RELT: variants seen among roughly 807,000 people sequenced by gnomAD.
RELT encodes tumor necrosis factor receptor superfamily member 19L.
Under a neutral mutation model 51.1 loss-of-function variants are expected in RELT, and 37 were observed. That is an observed-to-expected ratio of 0.72 (90% CI 0.56 to 0.95). The LOEUF (loss-of-function observed/expected upper bound fraction) is 0.95, where lower values mean the gene tolerates loss of function less well. Ranked by LOEUF, RELT falls within the 40% of genes least tolerant of loss-of-function variation. RELT has a pLI of 0.00. For synonymous variants in RELT, 241 were observed against 235.7 expected (o/e 1.02, Z -0.21); for missense variants, 535 against 572.6 (o/e 0.93, Z 0.67).
chr11:73,378,353 GGGACA>G (rs1021929924), intron 1 of RELT, among the ~76,000 whole-genome samples: 5 of 152,164 alleles, frequency 3.3e-5, no homozygotes, highest in African/African-American at 1.2e-4. Context: ...GACAGGGTGG[GGGACA>G]GTGTCAGGCA....
intron 1 of RELT, among the ~76,000 whole-genome samples, chr11:73,382,375 G>A (rs572611793): frequency 2.0e-5 from 3 of 152,240 alleles, no homozygotes; most frequent in South Asian, 4.1e-4. Context: ...AGCACATTAG[G>A]GACTTGGGAT....
chr11:73,395,070 C>G lies in RELT; in HGVS notation c.1047-17C>G. On this transcript the variant is annotated splice_polypyrimidine_tract_variant and intron_variant, in intron 9 of 10. Transcript: ENST00000064780. ...GGATCCCCGCTAACGGGGATGATTG[C>G]CCCACTCTCCTCACAGGTTCCGCGT... The G allele has an allele frequency of 1.2e-6, 2 of 1,603,830 alleles. No individual in the cohort carries two copies. The highest frequency in any genetic ancestry group is 1.7e-6 in the Non-Finnish European group (2 of 1,172,128).
At chr11:73,379,644 TC>T (rs997288670) in intron 1 of RELT, among the ~76,000 whole-genome samples, 2 of 152,184 alleles carry the variant, frequency 1.3e-5, no homozygotes, top group Non-Finnish European at 2.9e-5. Flanking sequence ...GTCCACACTT[TC>T]CCTGGCGGCT....
At chr11:73,383,785 C>A (rs1866083391) in intron 1 of RELT, among the ~76,000 whole-genome samples, 2 of 152,210 alleles carry the variant, frequency 1.3e-5, no homozygotes, top group Non-Finnish European at 2.9e-5. Flanking sequence ...AGGATGAGGG[C>A]CCGGCCTGCA....
Position 73,395,822 on chromosome 11 carries a change from AG to A in RELT, c.*335del. The A allele has an allele frequency of 2.2e-6, 1 of 453,714 alleles. No homozygotes were observed. The highest frequency in any genetic ancestry group is 2.6e-5 in the South Asian group (1 of 37,830). 28.1% of individuals were successfully genotyped at this position (453,714 alleles called of 1,614,324 possible). ...TATCATCAGAGGCTGGGCTTGGCAGAGGGGAGGGGCCTGTGCCCGTCACCCC... is the reference window on the plus strand; with the variant it reads ...TATCATCAGAGGCTGGGCTTGGCAGAGGGAGGGGCCTGTGCCCGTCACCCC... On this transcript the variant is annotated 3_prime_UTR_variant, in exon 11 of 11. Transcript: ENST00000064780.
In RELT at chr11:73,394,321, A is replaced by G; in HGVS notation, c.788+4A>G. ...CGAGCCACAGGCCTGTGTCCAAGTG[A>G]GTGGGCTGGTGGGAGATAACGGGGC... On this transcript the variant is annotated splice_donor_region_variant and intron_variant, in intron 8 of 10. Coordinates refer to ENST00000064780, the MANE Select transcript of RELT (RefSeq NM_152222.2). This position sits in a 1 kb window ranked among gnomAD's most constrained non-coding sequence, Gnocchi z 4.9. 1 of 1,613,054 alleles carries G rather than the reference A, an allele frequency of 6.2e-7. No homozygotes were observed. The highest frequency in any genetic ancestry group is 1.1e-5 in the South Asian group (1 of 91,024).
chr11:73,394,938 C>CT lies in RELT; in HGVS notation c.1047-148dup. On this transcript the variant is annotated intron_variant, in intron 9 of 10. Transcript: ENST00000064780. The surrounding 1 kb of genome is among the most constrained non-coding windows in gnomAD (Gnocchi z 4.9). ...TGTCTCACATGGAGCCCTTGCATCC[C>CT]TAGGGCAGCATCTTGGCCCCCATGG... 1.1e-6 allele frequency: 1 copy of CT among 904,836 alleles called. No homozygotes were observed. Among genetic ancestry groups the CT allele is most frequent in the South Asian group, 1.6e-5 (1 of 62,622 alleles). 56.1% of individuals were successfully genotyped at this position (904,836 alleles called of 1,614,324 possible). A position where few individuals can be genotyped will look rare whatever the true frequency, so the allele number is the denominator to read the frequency against.
chr11:73,385,127 C>G (rs1163447984), intron 1 of RELT, among the ~76,000 whole-genome samples: 1 of 152,034 alleles, frequency 6.6e-6, no homozygotes, highest in Non-Finnish European at 1.5e-5. Flanking sequence ...CGGGACTGAC[C>G]TGGAGGCCAG....
chr11:73,390,316 C>T lies in RELT; in HGVS notation c.46-235C>T, dbSNP rs893428932. Among the ~76,000 whole-genome samples, 4 of 152,178 alleles carry T rather than the reference C, an allele frequency of 2.6e-5. No individual in the cohort carries two copies. In the South Asian group the frequency reaches 8.3e-4, roughly 32 times the overall value. ...TTATCTGGGGCTTTCCAGCACTTTC[C>T]AGAGCCAGATGTGGCTCTCTCCTTG... is the stretch of plus-strand genomic sequence containing the variant. On this transcript the variant is annotated intron_variant, in intron 2 of 10. Coordinates refer to ENST00000064780, the MANE Select transcript of RELT (RefSeq NM_152222.2).
rs542531850 is a variant in RELT, at chr11:73,392,015, G to C, written c.368-196G>C. ...GGCCGTCCTGAGGAGGCCTTGTTCAGGACAATGCTTCGATGGCCAGAAGGG... is the reference window on the plus strand; with the variant it reads ...GGCCGTCCTGAGGAGGCCTTGTTCACGACAATGCTTCGATGGCCAGAAGGG... On this transcript the variant is annotated intron_variant, in intron 5 of 10. Transcript: ENST00000064780. The C allele has an allele frequency of 1.0e-5, 7 of 669,558 alleles. No homozygotes were observed. The African/African-American group carries it at 1.3e-4, about 12-fold the overall frequency. 41.5% of individuals were successfully genotyped at this position (669,558 alleles called of 1,614,324 possible).
At chr11:73,377,497 C>T (rs535285516) in intron 1 of RELT, among the ~76,000 whole-genome samples, 1 of 152,078 alleles carries the variant, frequency 6.6e-6, no homozygotes, top group South Asian at 2.1e-4. Flanking sequence ...GGGAGAAAGC[C>T]GAGGCTGGGC....
rs1866167640 is a variant in RELT at position 73,388,978 on chromosome 11, C to T, written c.-25-134C>T. The T allele has an allele frequency of 1.6e-6, 1 of 633,130 alleles. No individual in the cohort carries two copies. Among genetic ancestry groups the T allele is most frequent in the South Asian group, 1.8e-5 (1 of 56,248 alleles). 39.2% of individuals were successfully genotyped at this position (633,130 alleles called of 1,614,324 possible). On this transcript the variant is annotated intron_variant, in intron 1 of 10. Coordinates refer to ENST00000064780, the MANE Select transcript of RELT (RefSeq NM_152222.2). This position sits in a 1 kb window ranked among gnomAD's most constrained non-coding sequence, Gnocchi z 4.1. ...GTGCTTGCGGGTGTGGAGCCGGCCT[C>T]CCCGGGCTCTGCCTGCCCAGCAGCA...
intron 6 of RELT, 76 bp downstream of exon 6, chr11:73,392,544 C>G (rs968267052): frequency 6.5e-7 from 1 of 1,531,354 alleles, no homozygotes; most frequent in Non-Finnish European, 8.8e-7. Context: ...GGGCTGCCAG[C>G]GGAATCCTGC....
intron 1 of RELT, among the ~76,000 whole-genome samples, chr11:73,385,360 A>C (rs1866107630): frequency 1.3e-5 from 2 of 152,148 alleles, no homozygotes; most frequent in African/African-American, 2.4e-5. Flanking sequence ...CTGGGGCTCC[A>C]CCATCTGTGG....
rs1012839930 is a variant in RELT at position 73,391,893 on chromosome 11, G to C, written c.368-318G>C. On this transcript the variant is annotated intron_variant, in intron 5 of 10. Coordinates refer to ENST00000064780, the MANE Select transcript of RELT (RefSeq NM_152222.2). The stretch of plus-strand genomic sequence containing the variant: ...ACTAGATTCATGGCCAGGCCACAGG[G>C]AGGCAGATCCCACGTCCCTGTGCCC... 3 of 482,090 alleles carry C rather than the reference G, an allele frequency of 6.2e-6. No homozygotes were observed. The South Asian group carries it at 7.3e-5, about 12-fold the overall frequency. The allele number at this position is 482,090 out of a possible 1,614,324, so 29.9% of individuals were successfully genotyped here.
Position 73,389,118 on chromosome 11 carries a change from G to C in RELT, c.-19G>C, listed in dbSNP as rs1866170274. Reference sequence around the variant, plus strand: ...TCCTCTCCATCTGCCCTAGGCCGGCGACCACCAGGGGCCTGAGGATGAAGC... The same window carrying C: ...TCCTCTCCATCTGCCCTAGGCCGGCCACCACCAGGGGCCTGAGGATGAAGC... On this transcript the variant is annotated 5_prime_UTR_variant, in exon 2 of 11. Coordinates refer to ENST00000064780, the MANE Select transcript of RELT (RefSeq NM_152222.2). 1.3e-6 allele frequency: 2 copies of C among 1,542,018 alleles called. No individual in the cohort carries two copies. Among genetic ancestry groups the C allele is most frequent in the Non-Finnish European group, 1.8e-6 (2 of 1,142,308 alleles).
chr11:73,396,978 T>A lies in RELT; in HGVS notation c.*1487T>A, dbSNP rs1001748792. ...TCTATCCAAAATATTTTCATTTCAATATAAAATCAGTATAAAAAGTGTGAA... is the reference window on the plus strand; with the variant it reads ...TCTATCCAAAATATTTTCATTTCAAAATAAAATCAGTATAAAAAGTGTGAA... On this transcript the variant is annotated 3_prime_UTR_variant, in exon 11 of 11. Coordinates refer to ENST00000064780, the MANE Select transcript of RELT (RefSeq NM_152222.2). The A allele has an allele frequency of 2.6e-5, 4 of 152,240 alleles. No individual in the cohort carries two copies. Among genetic ancestry groups the A allele is most frequent in the African/African-American group, 4.8e-5 (2 of 41,460 alleles). The allele number at this position is 152,240 out of a possible 1,614,324, so 9.4% of individuals were successfully genotyped here.
At chr11:73,381,684 T>C (rs1296109506) in intron 1 of RELT, among the ~76,000 whole-genome samples, 1 of 152,172 alleles carries the variant, frequency 6.6e-6, no homozygotes, top group African/African-American at 2.4e-5. Context: ...ACTGGTGTAA[T>C]TGGGAAACAG....
chr11:73,389,542 C>T (rs943604558), intron 2 of RELT, among the ~76,000 whole-genome samples: 4 of 152,236 alleles, frequency 2.6e-5, no homozygotes, highest in African/African-American at 9.6e-5. Flanking sequence ...CATAGCACCT[C>T]AGGTGCTGGG....
Sources: gnomAD v4.1 joint callset for allele counts (sites outside exome capture counted in the v4.1 genomes callset) on GRCh38, gnomAD v4.1.1 for gene constraint, Gnocchi (gnomAD v3.1) non-coding constraint, MANE v1.5 for transcripts, NCBI Gene and HGNC (gene_info 2026-07-23, HGNC 2026-07-21) for gene names.